Variants in BARD1 observed in about 807,000 individuals in gnomAD.
BARD1 encodes the protein BRCA1-associated RING domain protein 1.
A neutral mutation model predicts 77.0 loss-of-function variants in BARD1; 73 were observed. The observed-to-expected ratio is 0.95, with a 90% confidence interval of 0.79 to 1.15. BARD1 has a LOEUF of 1.15. BARD1 is among the 50% of genes most tolerant of loss of function. The pLI is 0.00. For synonymous variants in BARD1, 384 were observed against 338.0 expected (o/e 1.14, Z -1.49); for missense variants, 993 against 938.8 (o/e 1.06, Z -0.75).
chr2:214,753,676 T>C (rs1237602107), intron 6 of BARD1, among the ~76,000 whole-genome samples: 1 of 152,170 alleles, frequency 6.6e-6, no homozygotes, highest in Non-Finnish European at 1.5e-5. Context: ...AGATGAGGGA[T>C]ATAAGCATCT....
At chr2:214,737,321 C>T (rs1692610783) in intron 9 of BARD1, among the ~76,000 whole-genome samples, 1 of 152,128 alleles carries the variant, frequency 6.6e-6, no homozygotes. Context: ...TTTGTCTAAT[C>T]AACCTCTTTT....
chr2:214,783,810 A>G (rs1695149880), intron 3 of BARD1, among the ~76,000 whole-genome samples: 1 of 152,196 alleles, frequency 6.6e-6, no homozygotes, highest in African/African-American at 2.4e-5. Context: ...AAAACTGGCT[A>G]GCCATATGCA....
At chr2:214,752,823 T>C (rs1018860343) in intron 6 of BARD1, among the ~76,000 whole-genome samples, 1 of 152,162 alleles carries the variant, frequency 6.6e-6, no homozygotes, top group Non-Finnish European at 1.5e-5. Flanking sequence ...CATATTAAAA[T>C]ATGGCTTCAT....
At chr2:214,759,017 A>G (rs1693827041) in intron 6 of BARD1, among the ~76,000 whole-genome samples, 1 of 152,238 alleles carries the variant, frequency 6.6e-6, no homozygotes, top group Admixed American at 6.5e-5. Flanking sequence ...ATGAATAACT[A>G]CAAAACTGCA....
chr2:214,786,379 T>C (rs375533582), intron 3 of BARD1, among the ~76,000 whole-genome samples: 3 of 151,950 alleles, frequency 2.0e-5, no homozygotes, highest in East Asian at 1.9e-4. Flanking sequence ...GAACAGCTTG[T>C]TTTATTGTTT....
Position 214,780,494 on chromosome 2 carries a change from A to C in BARD1, c.1314+66T>G, listed in dbSNP as rs532375233. ...TAGTAATCCTATGCCATTTTTCAAA[A>C]ACTGCAAAGAAATTGCTTTATAGTT... On this transcript the variant is annotated intron_variant, in intron 4 of 10. Coordinates refer to ENST00000260947, the MANE Select transcript of BARD1 (RefSeq NM_000465.4). The C allele has an allele frequency of 4.8e-5, 68 of 1,423,810 alleles. No individual in the cohort carries two copies. In the African/African-American group the frequency reaches 8.2e-4, roughly 17 times the overall value. 88.2% of individuals were successfully genotyped at this position (1,423,810 alleles called of 1,614,324 possible). A position where few individuals can be genotyped will look rare whatever the true frequency, so the allele number is the denominator to read the frequency against.
rs776760754 is a variant in BARD1, at chr2:214,781,486, T to C, written c.388A>G (p.Lys130Glu). Residue 130 changes from lysine to glutamate, a missense_variant, in exon 4 of 11, where the codon AAA becomes GAA. Transcript: ENST00000260947. The part of the protein sequence containing the change: ...LSDLKEDKPR[K>E]SLFNDAGNKK... ...TTTCCTGCATCATTAAACAAACTTT[T>C]CCTAGGTTTATCTTCTTTCAAATCT... 2.5e-6 allele frequency: 4 copies of C among 1,611,584 alleles called. No homozygotes were observed. The highest frequency in any genetic ancestry group is 3.4e-6 in the Non-Finnish European group (4 of 1,179,328).
At chr2:214,735,944 TTG>T (rs1230434365) in intron 9 of BARD1, among the ~76,000 whole-genome samples, 1 of 152,056 alleles carries the variant, frequency 6.6e-6, no homozygotes, top group African/African-American at 2.4e-5. Flanking sequence ...CAATCTTAAT[TTG>T]TTAGTTTTAT....
At chr2:214,775,512 T>C (rs1694698846) in intron 4 of BARD1, among the ~76,000 whole-genome samples, 1 of 152,128 alleles carries the variant, frequency 6.6e-6, no homozygotes, top group Non-Finnish European at 1.5e-5. Context: ...CAAATCACCG[T>C]AACAGATACA....
At position 214,747,571 on chromosome 2, in the gene BARD1, C is replaced by G. The variant is rs936356565; in HGVS notation, c.1678-1717G>C. 4.6e-5 allele frequency among the ~76,000 whole-genome samples: 7 copies of G among 151,268 alleles called. No homozygotes were observed. The East Asian group carries it at 1.4e-3, about 29-fold the overall frequency. On this transcript the variant is annotated intron_variant, in intron 7 of 10. Transcript: ENST00000260947. Reference sequence around the variant, plus strand: ...GTCCTTTGTAGGGACATGGATGAAACTGGAAACCATCATTCTCAGCAAACT... The same window carrying G: ...GTCCTTTGTAGGGACATGGATGAAAGTGGAAACCATCATTCTCAGCAAACT...
At chr2:214,797,923 T>A (rs919913082) in intron 1 of BARD1, among the ~76,000 whole-genome samples, 6 of 152,106 alleles carry the variant, frequency 3.9e-5, no homozygotes, top group African/African-American at 1.2e-4. Flanking sequence ...CATTTGTTAA[T>A]CCTAACAAAG....
chr2:214,798,712 G>A (rs956869522), intron 1 of BARD1, among the ~76,000 whole-genome samples: 1 of 148,478 alleles, frequency 6.7e-6, no homozygotes, highest in Admixed American at 6.8e-5. Context: ...ATGCTAGATA[G>A]GCCCCAGAGT....
At chr2:214,771,308 T>C (rs1441013223) in intron 4 of BARD1, among the ~76,000 whole-genome samples, 1 of 152,210 alleles carries the variant, frequency 6.6e-6, no homozygotes, top group Non-Finnish European at 1.5e-5. Flanking sequence ...GCTTCTTTAG[T>C]GAATAAATCT....
intron 7 of BARD1, among the ~76,000 whole-genome samples, chr2:214,750,133 A>T (rs1693337151): frequency 6.6e-6 from 1 of 152,084 alleles, no homozygotes; most frequent in Non-Finnish European, 1.5e-5. Context: ...TCTGAGCAGT[A>T]CTGGGATCTG....
rs1157386208 is a variant in BARD1, at chr2:214,728,507, C to A, written c.*169G>T. 2 of 685,810 alleles carry A rather than the reference C, an allele frequency of 2.9e-6. No homozygotes were observed. Among genetic ancestry groups the A allele is most frequent in the Admixed American group, 6.0e-5 (2 of 33,362 alleles). 42.5% of individuals were successfully genotyped at this position (685,810 alleles called of 1,614,324 possible). ...GCAATCCCAGCTTCTAAATGGTAAA[C>A]ATAACATGAATTCCTAATCTGGCAT... On this transcript the variant is annotated 3_prime_UTR_variant, in exon 11 of 11. Transcript: ENST00000260947.
intron 5 of BARD1, 149 bp downstream of exon 5, chr2:214,769,083 T>G (rs1424465928): frequency 2.9e-6 from 2 of 690,918 alleles, no homozygotes; most frequent in East Asian, 5.5e-5. Context: ...AGAAGGAAAG[T>G]AATCATGTTC....
intron 10 of BARD1, 71 bp downstream of exon 10, chr2:214,730,340 G>T: frequency 7.3e-7 from 1 of 1,377,690 alleles, no homozygotes. Context: ...AAGGGCAGAA[G>T]TTCTTCCTGA....
intron 1 of BARD1, among the ~76,000 whole-genome samples, chr2:214,798,444 C>T (rs1476422378): frequency 6.6e-6 from 1 of 152,134 alleles, no homozygotes; most frequent in Non-Finnish European, 1.5e-5. Context: ...ACCTAACCTC[C>T]TTTTCCCCAT....
chr2:214,754,626 G>A (rs1407757773), intron 6 of BARD1, among the ~76,000 whole-genome samples: 1 of 152,160 alleles, frequency 6.6e-6, no homozygotes, highest in Non-Finnish European at 1.5e-5. Flanking sequence ...AAGCCAGTAA[G>A]ATGATTTTAC....
Sources: gnomAD v4.1 joint callset for allele counts (sites outside exome capture counted in the v4.1 genomes callset) on GRCh38, gnomAD v4.1.1 for gene constraint, MANE v1.5 for transcripts, NCBI Gene and HGNC (gene_info 2026-07-23, HGNC 2026-07-21) for gene names.